Variants in SYNPR observed in about 807,000 individuals in gnomAD.
The protein encoded by SYNPR is synaptoporin.
Under a neutral mutation model 32.9 loss-of-function variants are expected in SYNPR, and 23 were observed. That is an observed-to-expected ratio of 0.70 (90% CI 0.50 to 0.99). The LOEUF (loss-of-function observed/expected upper bound fraction) is 0.99, where lower values mean the gene tolerates loss of function less well. Among genes scored for constraint, SYNPR ranks in the 50% least tolerant of loss-of-function variants. SYNPR has a pLI of 0.00. For missense variants in SYNPR, 318 were observed against 349.3 expected (o/e 0.91, Z 0.71); for synonymous variants, 146 against 135.9 (o/e 1.07, Z -0.52).
At chr3:63,317,754 C>A (rs1002484742) in intron 2 of SYNPR, among the ~76,000 whole-genome samples, 1 of 151,884 alleles carries the variant, frequency 6.6e-6, no homozygotes, top group African/African-American at 2.4e-5. Flanking sequence ...ATGTGAGGTA[C>A]CATTGCTTTC....
chr3:63,483,387 C>T (rs1701084383), intron 3 of SYNPR, among the ~76,000 whole-genome samples: 1 of 151,942 alleles, frequency 6.6e-6, no homozygotes, highest in African/African-American at 2.4e-5. Context: ...ATAGTAAATG[C>T]ACAATATAAT....
At chr3:63,344,499 T>C (rs1379301325) in intron 2 of SYNPR, among the ~76,000 whole-genome samples, 1 of 152,078 alleles carries the variant, frequency 6.6e-6, no homozygotes, top group Non-Finnish European at 1.5e-5. Flanking sequence ...ATTCAATTCC[T>C]TATTTAATGT....
At chr3:63,371,266 G>C (rs1410239550) in intron 2 of SYNPR, among the ~76,000 whole-genome samples, 3 of 152,112 alleles carry the variant, frequency 2.0e-5, no homozygotes, top group African/African-American at 7.2e-5. Context: ...CTGACACCGA[G>C]AGCTCTGTGG....
intron 3 of SYNPR, among the ~76,000 whole-genome samples, chr3:63,487,420 G>A (rs1007245742): frequency 2.6e-5 from 4 of 152,088 alleles, no homozygotes; most frequent in African/African-American, 9.7e-5. Flanking sequence ...CTTAAAACAA[G>A]ACCTGACATT....
intron 2 of SYNPR, among the ~76,000 whole-genome samples, chr3:63,373,689 C>G (rs2087848244): frequency 1.3e-5 from 2 of 152,110 alleles, no homozygotes; most frequent in Non-Finnish European, 1.5e-5. Flanking sequence ...CCCAACCTCT[C>G]TGGAAAGGTC....
At chr3:63,357,261 T>C (rs192403689) in intron 2 of SYNPR, among the ~76,000 whole-genome samples, 1 of 150,640 alleles carries the variant, frequency 6.6e-6, no homozygotes, top group East Asian at 2.0e-4. Context: ...CAGAGACCCC[T>C]CCCACCCCAG....
At chr3:63,205,430 C>G in the SYNPR span, among the ~76,000 whole-genome samples, 3 of 152,188 alleles carry the variant, frequency 2.0e-5, no homozygotes, top group African/African-American at 7.2e-5. Context: ...AATACTTAGC[C>G]TAGTGCCTAA....
intron 2 of SYNPR, among the ~76,000 whole-genome samples, chr3:63,333,348 A>G (rs1170863933): frequency 6.6e-6 from 1 of 151,712 alleles, no homozygotes; most frequent in Non-Finnish European, 1.5e-5. Context: ...AAAAAAAAAA[A>G]AGCAAAGAGA....
chr3:63,577,017 G>A (rs1702994494), intron 4 of SYNPR, among the ~76,000 whole-genome samples: 1 of 152,024 alleles, frequency 6.6e-6, no homozygotes, highest in African/African-American at 2.4e-5. Context: ...TCTATACTGT[G>A]AGGGGGCAAA....
intron 3 of SYNPR, among the ~76,000 whole-genome samples, chr3:63,553,358 G>C (rs1477697392): frequency 6.6e-6 from 1 of 152,196 alleles, no homozygotes; most frequent in Non-Finnish European, 1.5e-5. Context: ...CACCTGAGTT[G>C]ATTCTGTGTC....
chr3:63,579,935 T>C (rs2106859380), intron 4 of SYNPR, among the ~76,000 whole-genome samples: 2 of 152,144 alleles, frequency 1.3e-5, no homozygotes, highest in Admixed American at 1.3e-4. Context: ...GGAGGACTGT[T>C]CATTTTAAAA....
chr3:63,369,978 G>T (rs2087775634), intron 2 of SYNPR, among the ~76,000 whole-genome samples: 1 of 152,120 alleles, frequency 6.6e-6, no homozygotes, highest in Non-Finnish European at 1.5e-5. Context: ...TGAAAAGAGG[G>T]TCATGAATGA....
At chr3:63,300,718 T>G (rs2086836217) in intron 2 of SYNPR, among the ~76,000 whole-genome samples, 1 of 152,078 alleles carries the variant, frequency 6.6e-6, no homozygotes, top group Non-Finnish European at 1.5e-5. Flanking sequence ...TGGGACCAAC[T>G]CTGGTATAAT....
chr3:63,602,379 T>G (rs1175610574), intron 4 of SYNPR, among the ~76,000 whole-genome samples: 1 of 152,224 alleles, frequency 6.6e-6, no homozygotes, highest in East Asian at 1.9e-4. Flanking sequence ...AGTTTTTGTT[T>G]TTATCACAAT....
intron 3 of SYNPR, among the ~76,000 whole-genome samples, chr3:63,537,517 C>T (rs1420282327): frequency 1.3e-5 from 2 of 152,244 alleles, no homozygotes; most frequent in Middle Eastern, 3.4e-3. Flanking sequence ...AGTGTATAAG[C>T]TTCTTGAAGC....
At chr3:63,591,747 A>C (rs1242362288) in intron 4 of SYNPR, among the ~76,000 whole-genome samples, 1 of 128,476 alleles carries the variant, frequency 7.8e-6, no homozygotes, top group Non-Finnish European at 1.6e-5. Flanking sequence ...ATAGGTGGGA[A>C]TTGAACAATG....
At chr3:63,407,289 G>C (rs557873495) in intron 2 of SYNPR, among the ~76,000 whole-genome samples, 1 of 152,258 alleles carries the variant, frequency 6.6e-6, no homozygotes, top group Non-Finnish European at 1.5e-5. Context: ...TATTAACACA[G>C]TGCTTAATTT....
chr3:63,530,564 G>A (rs533757151), intron 3 of SYNPR, among the ~76,000 whole-genome samples: 5 of 152,300 alleles, frequency 3.3e-5, no homozygotes, highest in South Asian at 2.1e-4. Flanking sequence ...GGAAGCATGC[G>A]TTCCATTAAT....
At chr3:63,296,564 C>T (rs1361464940) in intron 2 of SYNPR, among the ~76,000 whole-genome samples, 2 of 152,142 alleles carry the variant, frequency 1.3e-5, no homozygotes, top group Non-Finnish European at 2.9e-5. Context: ...TCTCCTTTGC[C>T]TGACTTCAGA....
Sources: gnomAD v4.1 joint callset for allele counts (sites outside exome capture counted in the v4.1 genomes callset) on GRCh38, gnomAD v4.1.1 for gene constraint, MANE v1.5 for transcripts, NCBI Gene and HGNC (gene_info 2026-07-23, HGNC 2026-07-21) for gene names.